Variants in MCTP1 observed in about 807,000 individuals in gnomAD.
MCTP1 encodes the protein multiple C2 and transmembrane domain containing 1.
Under a neutral mutation model 120.6 loss-of-function variants are expected in MCTP1, and 69 were observed. The observed-to-expected ratio is 0.57, with a 90% CI of 0.47 to 0.70. The LOEUF (loss-of-function observed/expected upper bound fraction) is 0.70. MCTP1 is among the 30% of genes least tolerant of loss of function. The pLI, the probability that MCTP1 is intolerant of heterozygous loss-of-function variation, is 0.00. For synonymous variants in MCTP1, 529 were observed against 493.1 expected, an observed-to-expected ratio of 1.07 and a Z score of -0.96; for missense variants, 1,203 against 1,248.8, an observed-to-expected ratio of 0.96 and a Z score of 0.55.
chr5:95,229,478 A>G (rs2152642354), intron 1 of MCTP1, among the ~76,000 whole-genome samples: 1 of 152,130 alleles, frequency 6.6e-6, no homozygotes, highest in African/African-American at 2.4e-5. Flanking sequence ...ATGAGAGAAA[A>G]GTTTGGTTAC....
chr5:95,218,090 T>C (rs554803245), intron 1 of MCTP1, among the ~76,000 whole-genome samples: 1 of 152,278 alleles, frequency 6.6e-6, no homozygotes, highest in South Asian at 2.1e-4. Flanking sequence ...GCCTTACACA[T>C]AGGGACTGGT....
chr5:94,859,545 A>G (rs865819469), intron 17 of MCTP1, among the ~76,000 whole-genome samples: 3 of 151,820 alleles, frequency 2.0e-5, no homozygotes, highest in African/African-American at 7.2e-5. Context: ...GTATGGAAAT[A>G]TCACACTATA....
In MCTP1 at chr5:94,871,409, T is replaced by C; in HGVS notation, c.2045A>G (p.Lys682Arg). The C allele has an allele frequency of 6.2e-7, 1 of 1,600,076 alleles. No individual in the cohort carries two copies. Among genetic ancestry groups the C allele is most frequent in the Non-Finnish European group, 8.6e-7 (1 of 1,167,622 alleles). ...CACTTCAAGAACTGAATGGATATCT[T>C]TAATGTTGCTGCATAATAAATATAT... Reference protein sequence around the residue: ...EWNKVFTFNIKDIHSVLEVTV... With the variant: ...EWNKVFTFNIRDIHSVLEVTV... Residue 682 changes from lysine to arginine, a missense_variant, in exon 14 of 23, where the codon AAA (lysine) becomes AGA (arginine). Physicochemically the swap from Lys to Arg is conservative, Grantham distance 26. Coordinates refer to ENST00000515393, the MANE Select transcript of MCTP1 (RefSeq NM_024717.7).
In MCTP1 at chr5:94,706,570, G is replaced by A. The variant is rs1333822432; in HGVS notation, c.*926C>T. 4.1e-5 allele frequency: 5 copies of A among 122,002 alleles called. No individual in the cohort carries two copies. The highest frequency in any genetic ancestry group is 1.3e-4 in the African/African-American group (4 of 30,488). The allele number at this position is 122,002 out of a possible 1,614,324, so 7.6% of individuals were successfully genotyped here. Reference sequence around the variant, plus strand: ...TTAAAGCATTTCAGTAATCTAATGAGAAAGCAGGTTTTTTTTTTCTCTGAG... The same window carrying A: ...TTAAAGCATTTCAGTAATCTAATGAAAAAGCAGGTTTTTTTTTTCTCTGAG... On this transcript the variant is annotated 3_prime_UTR_variant, in exon 23 of 23. Coordinates refer to ENST00000515393, the MANE Select transcript of MCTP1 (RefSeq NM_024717.7).
intron 1 of MCTP1, among the ~76,000 whole-genome samples, chr5:95,249,326 C>A (rs191507672): frequency 6.8e-4 from 104 of 152,004 alleles, no homozygotes; most frequent in Non-Finnish European, 1.2e-3. Flanking sequence ...TTAAAAAAAA[C>A]CCCATCAGAA....
chr5:94,985,639 T>C lies in MCTP1; in HGVS notation c.838+31728A>G, dbSNP rs139065772. On this transcript the variant is annotated intron_variant, in intron 2 of 22. Coordinates refer to ENST00000515393, the MANE Select transcript of MCTP1 (RefSeq NM_024717.7). ...AAGTTACTTCATAACTCTTAAAATATGTGAAGTGGGCCTGGCTTTTATACA... is the reference window on the plus strand; with the variant it reads ...AAGTTACTTCATAACTCTTAAAATACGTGAAGTGGGCCTGGCTTTTATACA... 1.1e-4 allele frequency among the ~76,000 whole-genome samples: 16 copies of C among 152,334 alleles called. No homozygotes were observed. In the East Asian group the frequency reaches 2.9e-3, roughly 28 times the overall value.
At chr5:94,902,084 T>C (rs550850290) in intron 10 of MCTP1, among the ~76,000 whole-genome samples, 10 of 152,134 alleles carry the variant, frequency 6.6e-5, no homozygotes, top group Non-Finnish European at 1.5e-4. Context: ...ACATGCCCTA[T>C]TAAGTGGATT....
intron 19 of MCTP1, among the ~76,000 whole-genome samples, chr5:94,720,350 GA>G (rs547242788): frequency 1.3e-4 from 20 of 151,342 alleles, no homozygotes; most frequent in African/African-American, 2.7e-4. Context: ...GGCTAAGTGG[GA>G]AAAAAAATCA....
chr5:94,711,071 G>T, intron 20 of MCTP1, 144 bp from the exon 21 acceptor site: 1 of 653,936 alleles, frequency 1.5e-6, no homozygotes, highest in Non-Finnish European at 2.7e-6. Context: ...ATCAGAGGAC[G>T]CAGGCTAGCC....
At chr5:94,815,225 C>T (rs1472797889) in intron 17 of MCTP1, among the ~76,000 whole-genome samples, 1 of 152,142 alleles carries the variant, frequency 6.6e-6, no homozygotes, top group Non-Finnish European at 1.5e-5. Flanking sequence ...GCCAGCACTT[C>T]CAAAATTCTA....
At chr5:94,976,312 G>A (rs1828093356) in intron 2 of MCTP1, among the ~76,000 whole-genome samples, 1 of 152,020 alleles carries the variant, frequency 6.6e-6, no homozygotes, top group Admixed American at 6.6e-5. Context: ...TTATCCAGGT[G>A]TAGTGGCGGG....
At chr5:95,017,538 C>T in intron 1 of MCTP1, 54 bp from the exon 2 acceptor site, 1 of 1,221,836 alleles carries the variant, frequency 8.2e-7, no homozygotes, top group East Asian at 2.6e-5. Context: ...GTTCTATTTT[C>T]TCTAAAGGGG....
At chr5:95,159,173 T>G (rs1208536407) in intron 1 of MCTP1, among the ~76,000 whole-genome samples, 1 of 152,222 alleles carries the variant, frequency 6.6e-6, no homozygotes, top group East Asian at 1.9e-4. Flanking sequence ...TAAGACTGTG[T>G]CTACTAACTT....
At chr5:94,867,229 A>C (rs1233319635) in intron 17 of MCTP1, 1 of 1,421,614 alleles carries the variant, frequency 7.0e-7, no homozygotes. Flanking sequence ...TTTTTTTCTA[A>C]AACTTAACGA....
rs1807802002 is a variant in MCTP1 at position 94,909,252 on chromosome 5, T to G, written c.1651A>C (p.Arg551=). ...DAGKRDDFIG[R]CQVDLSALSR... ...CCAAAAATTACAAATTGCACAAACC[T>G]GCCAATGAAATCATCCCTTTTCCCA... is the stretch of plus-strand genomic sequence containing the variant. The change falls in exon 10 of 23, where the codon AGG becomes CGG. Residue 551 remains arginine, a splice_region_variant and synonymous_variant. Transcript: ENST00000515393. 1 of 1,612,084 alleles carries G rather than the reference T, an allele frequency of 6.2e-7. No individual in the cohort carries two copies. The highest frequency in any genetic ancestry group is 1.3e-5 in the African/African-American group (1 of 74,836).
chr5:94,808,872 G>T (rs1038446848), intron 17 of MCTP1, among the ~76,000 whole-genome samples: 4 of 152,052 alleles, frequency 2.6e-5, no homozygotes, highest in Non-Finnish European at 4.4e-5. Flanking sequence ...TGTTTCTTTG[G>T]ATTTACTAGG....
At chr5:94,890,967 G>A (rs1331922963) in intron 11 of MCTP1, among the ~76,000 whole-genome samples, 2 of 152,126 alleles carry the variant, frequency 1.3e-5, no homozygotes, top group Non-Finnish European at 2.9e-5. Context: ...TTATTAAAAT[G>A]TTACTAGAGT....
intron 1 of MCTP1, among the ~76,000 whole-genome samples, chr5:95,140,692 CTAAAAA>C (rs1759837571): frequency 2.0e-5 from 1 of 48,934 alleles, no homozygotes; most frequent in Non-Finnish European, 3.7e-5. Flanking sequence ...CCTGTCCCTA[CTAAAAA>C]AAAAAAAAAA....
At chr5:95,053,425 A>T (rs1488563805) in intron 1 of MCTP1, among the ~76,000 whole-genome samples, 2 of 152,146 alleles carry the variant, frequency 1.3e-5, no homozygotes, top group Non-Finnish European at 2.9e-5. Context: ...AGCGGGGAGG[A>T]GTGTGAGCAC....
Sources: gnomAD v4.1 joint callset for allele counts (sites outside exome capture counted in the v4.1 genomes callset) on GRCh38, gnomAD v4.1.1 for gene constraint, MANE v1.5 for transcripts, NCBI Gene and HGNC (gene_info 2026-07-23, HGNC 2026-07-21) for gene names.